Variants in ATP11A observed in about 807,000 individuals in gnomAD.
The protein encoded by ATP11A is ATPase phospholipid transporting 11A.
ATP11A carries 81 observed loss-of-function variants against 154.4 expected under a neutral mutation model. The observed-to-expected ratio is 0.52, with a 90% confidence interval of 0.44 to 0.63. The LOEUF is 0.63. Ranked by LOEUF, ATP11A falls within the 30% of genes least tolerant of loss-of-function variation. ATP11A has a pLI of 0.00. For missense variants in ATP11A, 1,316 were observed against 1,474.3 expected, an observed-to-expected ratio of 0.89 and a Z score of 1.76; for synonymous variants, 623 against 585.9, an observed-to-expected ratio of 1.06 and a Z score of -0.91.
chr13:112,877,399 A>G (rs763666217), intron 28 of ATP11A, among the ~76,000 whole-genome samples: 2 of 152,232 alleles, frequency 1.3e-5, no homozygotes, highest in Admixed American at 6.5e-5. Context: ...GTGCAGTTCC[A>G]CAGCGGGCAC....
chr13:112,725,227 G>A (rs940417399), intron 1 of ATP11A, among the ~76,000 whole-genome samples: 7 of 152,208 alleles, frequency 4.6e-5, no homozygotes, highest in East Asian at 1.9e-4. Flanking sequence ...GGGACAGACA[G>A]GTAAACCTGT....
chr13:112,724,376 C>T (rs1566385401), intron 1 of ATP11A, among the ~76,000 whole-genome samples: 2 of 151,902 alleles, frequency 1.3e-5, no homozygotes, highest in African/African-American at 2.4e-5. Flanking sequence ...TGACGATTTA[C>T]TGGAAGGACT....
chr13:112,728,005 C>T (rs1430047770), intron 1 of ATP11A, among the ~76,000 whole-genome samples: 3 of 152,218 alleles, frequency 2.0e-5, no homozygotes, highest in Non-Finnish European at 4.4e-5. Context: ...AAAAACACCC[C>T]TTTTTCATAG....
At position 112,789,022 on chromosome 13, in the gene ATP11A, T is replaced by C. The variant is rs540202228; in HGVS notation, c.162+3765T>C. On this transcript the variant is annotated intron_variant, in intron 2 of 29. Coordinates refer to ENST00000375645, the MANE Select transcript of ATP11A (RefSeq NM_015205.3). ...AATTCACATTGAGCATCCTGACATG[T>C]AGACCCCTGTGTAGACCTACTTCAT... 2.6e-5 allele frequency among the ~76,000 whole-genome samples: 4 copies of C among 151,804 alleles called. No homozygotes were observed. In the South Asian group the frequency reaches 8.3e-4, roughly 32 times the overall value.
At chr13:112,729,644 C>T (rs1015334173) in intron 1 of ATP11A, among the ~76,000 whole-genome samples, 7 of 152,224 alleles carry the variant, frequency 4.6e-5, no homozygotes, top group Admixed American at 2.6e-4. Flanking sequence ...GCATGTAACA[C>T]GTCTGAGTGT....
chr13:112,709,689 G>A (rs993171056), intron 1 of ATP11A, among the ~76,000 whole-genome samples: 1 of 150,260 alleles, frequency 6.7e-6, no homozygotes, highest in Non-Finnish European at 1.5e-5. Context: ...GAGTTGTCTC[G>A]CCTTTCTGAA....
At position 112,830,032 on chromosome 13, in the gene ATP11A, C is replaced by T. The variant is rs531593446; in HGVS notation, c.1222-1343C>T. ...CAGAGGTTTTAAGCTTTTGTTTCCA[C>T]GTTCTTAAAACTGGGATAATAACAC... On this transcript the variant is annotated intron_variant, in intron 12 of 29. Coordinates refer to ENST00000375645, the MANE Select transcript of ATP11A (RefSeq NM_015205.3). 5.6e-4 allele frequency among the ~76,000 whole-genome samples: 86 copies of T among 152,302 alleles called. No individual in the cohort carries two copies. The Middle Eastern group carries it at 0.024, about 42-fold the overall frequency.
At chr13:112,716,299 G>C (rs1734909757) in intron 1 of ATP11A, among the ~76,000 whole-genome samples, 1 of 152,188 alleles carries the variant, frequency 6.6e-6, no homozygotes, top group South Asian at 2.1e-4. Context: ...TGCCCCTCCT[G>C]GTGAGCTCTG....
chr13:112,742,334 T>A (rs879363143), intron 1 of ATP11A, among the ~76,000 whole-genome samples: 2 of 151,914 alleles, frequency 1.3e-5, no homozygotes, highest in Non-Finnish European at 2.9e-5. Context: ...CCATGTCGAG[T>A]TGCGCCTGAG....
In ATP11A at chr13:112,703,933, A is replaced by G. The variant is rs951791639; in HGVS notation, c.39+13478A>G. Among the ~76,000 whole-genome samples the G allele has an allele frequency of 5.3e-5, 8 of 152,306 alleles. No homozygotes were observed. The East Asian group carries it at 1.5e-3, about 29-fold the overall frequency. On this transcript the variant is annotated intron_variant, in intron 1 of 29. Coordinates refer to ENST00000375645, the MANE Select transcript of ATP11A (RefSeq NM_015205.3). ...TAAACTCAGAGGCTGCTGGATCATG[A>G]TCTGGTTCTTCCAGTAAATGGAATT...
intron 1 of ATP11A, among the ~76,000 whole-genome samples, chr13:112,775,399 G>A (rs780710311): frequency 1.3e-5 from 2 of 152,296 alleles, no homozygotes; most frequent in South Asian, 2.1e-4. Context: ...TCGGGGGGCC[G>A]CTGACAGGAG....
At chr13:112,853,544 C>T (rs188392065) in intron 18 of ATP11A, among the ~76,000 whole-genome samples, 8 of 152,174 alleles carry the variant, frequency 5.3e-5, no homozygotes, top group Non-Finnish European at 1.0e-4. Flanking sequence ...CATGGTTTGA[C>T]CCCAGATCTC....
intron 27 of ATP11A, among the ~76,000 whole-genome samples, chr13:112,873,899 G>T (rs913050222): frequency 6.6e-6 from 1 of 152,118 alleles, no homozygotes; most frequent in African/African-American, 2.4e-5. Context: ...GGAGAAAGAC[G>T]CTAACTGATA....
chr13:112,878,987 G>A (rs528430817), intron 29 of ATP11A, among the ~76,000 whole-genome samples: 3 of 152,260 alleles, frequency 2.0e-5, no homozygotes, highest in Admixed American at 6.5e-5. Context: ...TAAAAATGAC[G>A]ACCTTGGCCT....
chr13:112,695,495 C>T (rs550437612), intron 1 of ATP11A, among the ~76,000 whole-genome samples: 1 of 152,166 alleles, frequency 6.6e-6, no homozygotes, highest in African/African-American at 2.4e-5. Flanking sequence ...TTTTTGGAAC[C>T]CTGTTGAATA....
rs569595505 is a variant in ATP11A at position 112,730,056 on chromosome 13, A to G, written c.39+39601A>G. Among the ~76,000 whole-genome samples, 8 of 152,336 alleles carry G rather than the reference A, an allele frequency of 5.3e-5. No homozygotes were observed. The East Asian group carries it at 1.2e-3, about 22-fold the overall frequency. The stretch of plus-strand genomic sequence containing the variant: ...TCATCTCTGTGTCCATGCTAAGTGC[A>G]GCTTCTCATGATGGTGGAGGACGAG... On this transcript the variant is annotated intron_variant, in intron 1 of 29. Transcript: ENST00000375645.
intron 2 of ATP11A, 89 bp from the exon 3 acceptor site, chr13:112,804,868 A>G (rs2078279342): frequency 4.2e-6 from 3 of 716,210 alleles, no homozygotes; most frequent in African/African-American, 3.6e-5. Flanking sequence ...TTGTACTGTA[A>G]AATCCAGTGC....
chr13:112,759,325 C>T (rs1259638504), intron 1 of ATP11A, among the ~76,000 whole-genome samples: 1 of 152,196 alleles, frequency 6.6e-6, no homozygotes, highest in African/African-American at 2.4e-5. Context: ...AGGCTCTCAC[C>T]TGGGAGCAGT....
chr13:112,710,985 C>CCACT (rs1555304506), intron 1 of ATP11A, among the ~76,000 whole-genome samples: 5 of 150,008 alleles, frequency 3.3e-5, no homozygotes, highest in African/African-American at 9.9e-5. Context: ...ACCCACCCAC[C>CCACT]GCTGTTTGAA....
Sources: allele counts gnomAD v4.1 joint callset (sites outside exome capture counted in the v4.1 genomes callset), GRCh38; gene constraint gnomAD v4.1.1; transcripts MANE v1.5; gene names NCBI Gene and HGNC (gene_info 2026-07-23, HGNC 2026-07-21).